Variants in PALM2AKAP2 observed in about 807,000 individuals in gnomAD.
PALM2AKAP2 encodes PALM2 and AKAP2 fusion.
In PALM2AKAP2, 37 loss-of-function variants were observed where a neutral mutation model predicts 71.5. The ratio of observed to expected loss-of-function variants is 0.52; its 90% CI spans 0.40 to 0.68. PALM2AKAP2 has a LOEUF of 0.68. Among genes scored for constraint, PALM2AKAP2 ranks in the 30% least tolerant of loss-of-function variants. PALM2AKAP2 has a pLI of 0.00. For synonymous variants in PALM2AKAP2, 468 were observed against 478.8 expected (o/e 0.98, Z 0.29); for missense variants, 1,224 against 1,191.8 (o/e 1.03, Z -0.40).
chr9:110,135,164 A>AAAAAAAAAAAAATAT lies in PALM2AKAP2; in HGVS notation c.157-962_157-961insAAAAAAAAAAATATA. Among the ~76,000 whole-genome samples the AAAAAAAAAAAAATAT allele has an allele frequency of 3.7e-4, 19 of 51,726 alleles. 1 individual carries two copies. Among genetic ancestry groups the AAAAAAAAAAAAATAT allele is most frequent in the African/African-American group, 6.6e-4 (9 of 13,594 alleles). The allele number at this position is 51,726 out of a possible 152,430, so 33.9% of individuals were successfully genotyped here. A position where few individuals can be genotyped will look rare whatever the true frequency, so the allele number is the denominator to read the frequency against. ...AACTCTGTCTCTACAAAAAAAAAAA[A>AAAAAAAAAAAAATAT]ATATATAAATATATATATATATATA... On this transcript the variant is annotated intron_variant, in intron 1 of 3. Transcript: ENST00000374525.
At chr9:109,820,795 G>C (rs557413281) in intron 1 of PALM2AKAP2, among the ~76,000 whole-genome samples, 3 of 152,314 alleles carry the variant, frequency 2.0e-5, no homozygotes, top group African/African-American at 7.2e-5. Flanking sequence ...GAGTGGATAT[G>C]ACCTTTTCCT....
rs571192358 is a variant in PALM2AKAP2 at position 109,992,950 on chromosome 9, T to G, written c.497-23004T>G. 2.5e-3 allele frequency among the ~76,000 whole-genome samples: 350 copies of G among 142,732 alleles called. 5 individuals carry two copies. Among genetic ancestry groups the G allele is most frequent in the African/African-American group, 7.3e-3 (288 of 39,536 alleles). 93.6% of individuals were successfully genotyped at this position (142,732 alleles called of 152,430 possible). On this transcript the variant is annotated intron_variant, in intron 6 of 9. Coordinates refer to the PALM2AKAP2 transcript ENST00000302798. The stretch of plus-strand genomic sequence containing the variant: ...AAATTCATATATATGTATATATATA[T>G]ATATAGAGAGAGAGAGAGAGAGAGA...
At chr9:110,009,280 A>AT (rs1411219673) in intron 6 of PALM2AKAP2, among the ~76,000 whole-genome samples, 1 of 151,872 alleles carries the variant, frequency 6.6e-6, no homozygotes, top group African/African-American at 2.4e-5. Context: ...CTTTTATTTT[A>AT]TTTTTAGTAC....
chr9:109,641,290 G>T (rs1297781479), intron 1 of PALM2AKAP2, among the ~76,000 whole-genome samples: 1 of 152,214 alleles, frequency 6.6e-6, no homozygotes, highest in Non-Finnish European at 1.5e-5. Flanking sequence ...AAGCAAACGC[G>T]GTTCAGTGTG....
At chr9:109,852,663 G>A (rs1312497372) in intron 1 of PALM2AKAP2, among the ~76,000 whole-genome samples, 1 of 152,134 alleles carries the variant, frequency 6.6e-6, no homozygotes, top group East Asian at 1.9e-4. Flanking sequence ...GAGTATAAAT[G>A]TTCCCTTTTC....
chr9:109,796,815 C>T (rs1447156966), intron 1 of PALM2AKAP2, among the ~76,000 whole-genome samples: 2 of 152,300 alleles, frequency 1.3e-5, no homozygotes, highest in Non-Finnish European at 2.9e-5. Context: ...TCACCTCCCA[C>T]CAGGTTCTGC....
intron 6 of PALM2AKAP2, among the ~76,000 whole-genome samples, chr9:109,987,152 A>T (rs1387395893): frequency 6.6e-6 from 1 of 151,546 alleles, no homozygotes. Context: ...TTTTTTTGAG[A>T]CAGAGTCTTG....
chr9:109,780,669 T>G, intron 1 of PALM2AKAP2, 136 bp downstream of exon 1: 3 of 1,294,418 alleles, frequency 2.3e-6, no homozygotes, highest in Non-Finnish European at 3.3e-6. Context: ...CTGTCAGGGC[T>G]CAGCTAGGCT....
intron 1 of PALM2AKAP2, among the ~76,000 whole-genome samples, chr9:109,820,115 C>A (rs1038945702): frequency 2.6e-5 from 4 of 152,138 alleles, no homozygotes; most frequent in Admixed American, 2.0e-4. Flanking sequence ...ATGGTCTTTT[C>A]TGTATTATTA....
chr9:110,136,271 A>G (rs1835862693), exon 2 of PALM2AKAP2: 1 of 1,614,166 alleles, frequency 6.2e-7, no homozygotes, highest in Admixed American at 1.7e-5. Flanking sequence ...AGAATGTAAA[A>G]GTGTTCCTGG....
At chr9:109,646,405 G>A (rs775111796) in intron 1 of PALM2AKAP2, among the ~76,000 whole-genome samples, 3 of 152,214 alleles carry the variant, frequency 2.0e-5, no homozygotes, top group African/African-American at 2.4e-5. Context: ...AAGTTGTTGC[G>A]ATCCCTGTAA....
chr9:109,724,977 A>T (rs753545454), intron 1 of PALM2AKAP2, among the ~76,000 whole-genome samples: 18 of 152,374 alleles, frequency 1.2e-4, no homozygotes, highest in Non-Finnish European at 2.1e-4. Context: ...TTACACATCA[A>T]TAAAATATGA....
upstream of PALM2AKAP2, among the ~76,000 whole-genome samples, chr9:109,778,915 C>G (rs1366546014): frequency 6.6e-6 from 1 of 151,702 alleles, no homozygotes; most frequent in Non-Finnish European, 1.5e-5. Flanking sequence ...ATTACAGGTG[C>G]CTGCCACCAC....
intron 3 of PALM2AKAP2, among the ~76,000 whole-genome samples, chr9:109,885,805 G>T (rs939485913): frequency 2.0e-5 from 3 of 152,206 alleles, no homozygotes; most frequent in Non-Finnish European, 4.4e-5. Context: ...ATTAGAAACA[G>T]CCTTGGTTTA....
At chr9:109,685,978 A>G (rs1337391726) in intron 1 of PALM2AKAP2, among the ~76,000 whole-genome samples, 1 of 152,218 alleles carries the variant, frequency 6.6e-6, no homozygotes, top group Non-Finnish European at 1.5e-5. Context: ...TGCTCACAGC[A>G]TCTTCACCAG....
intron 3 of PALM2AKAP2, among the ~76,000 whole-genome samples, chr9:109,902,869 G>A (rs1564202632): frequency 6.6e-6 from 1 of 152,204 alleles, no homozygotes; most frequent in African/African-American, 2.4e-5. Flanking sequence ...AAGAGAACAT[G>A]AAGGAGCAAG....
rs1827634587 is a variant in PALM2AKAP2 at position 109,675,467 on chromosome 9, G to A, written c.5+34601G>A. ...AAATGCCAATCTAATATAATAATTGGAAAAGTTCTGAGTAGGCAAAAGTTG... is the reference window on the plus strand; with the variant it reads ...AAATGCCAATCTAATATAATAATTGAAAAAGTTCTGAGTAGGCAAAAGTTG... On this transcript the variant is annotated intron_variant, in intron 1 of 6. Coordinates refer to the PALM2AKAP2 transcript ENST00000374531. Among the ~76,000 whole-genome samples the A allele has an allele frequency of 1.3e-5, 2 of 152,084 alleles. 1 individual carries two copies. The highest frequency in any genetic ancestry group is 2.9e-5 in the Non-Finnish European group (2 of 67,974).
intron 1 of PALM2AKAP2, among the ~76,000 whole-genome samples, chr9:109,645,351 T>C (rs1468817556): frequency 6.6e-6 from 1 of 152,182 alleles, no homozygotes; most frequent in African/African-American, 2.4e-5. Context: ...GCCCCCATGA[T>C]TCAATCATCT....
At chr9:109,785,294 C>T (rs1826931359) in intron 1 of PALM2AKAP2, among the ~76,000 whole-genome samples, 1 of 152,152 alleles carries the variant, frequency 6.6e-6, no homozygotes, top group African/African-American at 2.4e-5. Flanking sequence ...TGCATTTGTG[C>T]AGTACTTTAT....
Sources: allele counts gnomAD v4.1 joint callset (sites outside exome capture counted in the v4.1 genomes callset), GRCh38; gene constraint gnomAD v4.1.1; transcripts MANE v1.5; gene names NCBI Gene and HGNC (gene_info 2026-07-23, HGNC 2026-07-21).